Variants in DOCK3 observed in about 807,000 individuals in gnomAD.
DOCK3 encodes the protein dedicator of cytokinesis protein 3.
Under a neutral mutation model 265.6 loss-of-function variants are expected in DOCK3, and 60 were observed. That is an observed-to-expected ratio of 0.23 (90% confidence interval 0.18 to 0.28). The LOEUF (loss-of-function observed/expected upper bound fraction) is 0.28, where lower values mean the gene tolerates loss of function less well. Among genes scored for constraint, DOCK3 ranks in the 10% least tolerant of loss-of-function variants. DOCK3 has a pLI of 1.00. For missense variants in DOCK3, 1,981 were observed against 2,594.3 expected (o/e 0.76, Z 5.14); for synonymous variants, 881 against 938.0 (o/e 0.94, Z 1.11).
At chr3:50,901,331 G>A (rs903192695) in intron 4 of DOCK3, among the ~76,000 whole-genome samples, 11 of 152,228 alleles carry the variant, frequency 7.2e-5, no homozygotes, top group African/African-American at 2.6e-4. Context: ...CCCCCACCAA[G>A]CTCGAGTGTC....
intron 5 of DOCK3, among the ~76,000 whole-genome samples, chr3:51,056,328 A>G (rs1340268252): frequency 6.6e-6 from 1 of 152,180 alleles, no homozygotes; most frequent in Non-Finnish European, 1.5e-5. Context: ...GGCTCACTGC[A>G]AGCTCTGCCT....
intron 23 of DOCK3, among the ~76,000 whole-genome samples, chr3:51,266,359 C>A (rs531687437): frequency 1.1e-4 from 17 of 152,276 alleles, no homozygotes; most frequent in African/African-American, 4.1e-4. Context: ...AAAAAAGAGC[C>A]CGCATTGCCA....
At chr3:50,736,434 T>C (rs1420414015) in intron 1 of DOCK3, among the ~76,000 whole-genome samples, 2 of 152,172 alleles carry the variant, frequency 1.3e-5, no homozygotes, top group Non-Finnish European at 2.9e-5. Flanking sequence ...GATGGCTGGG[T>C]CAAATGGTGT....
chr3:51,228,272 C>G (rs1471423101), intron 17 of DOCK3, among the ~76,000 whole-genome samples, 184 bp downstream of exon 17: 1 of 152,224 alleles, frequency 6.6e-6, no homozygotes, highest in East Asian at 1.9e-4. Flanking sequence ...CGTCCTCCCA[C>G]AAGTAACGCC....
chr3:50,856,454 T>C (rs1317494067), intron 3 of DOCK3, among the ~76,000 whole-genome samples: 1 of 152,202 alleles, frequency 6.6e-6, no homozygotes, highest in Non-Finnish European at 1.5e-5. Context: ...GGCTTTTTTT[T>C]TTCATATGTT....
At chr3:51,051,879 G>T (rs2081006055) in intron 5 of DOCK3, among the ~76,000 whole-genome samples, 1 of 151,966 alleles carries the variant, frequency 6.6e-6, no homozygotes, top group Non-Finnish European at 1.5e-5. Context: ...GGTGGGAGAG[G>T]TGCCATACAC....
At chr3:50,997,570 A>G (rs2078328647) in intron 5 of DOCK3, among the ~76,000 whole-genome samples, 1 of 152,146 alleles carries the variant, frequency 6.6e-6, no homozygotes, top group Non-Finnish European at 1.5e-5. Flanking sequence ...ATAATAAATA[A>G]AACATTAGAA....
At chr3:51,352,861 T>C (rs143326227) in intron 40 of DOCK3, among the ~76,000 whole-genome samples, 8 of 152,308 alleles carry the variant, frequency 5.3e-5, no homozygotes, top group African/African-American at 1.7e-4. Flanking sequence ...ACAGTCAGCC[T>C]CAAGGTCAAC....
intron 27 of DOCK3, among the ~76,000 whole-genome samples, chr3:51,285,012 G>A (rs2081331854): frequency 6.6e-6 from 1 of 152,152 alleles, no homozygotes; most frequent in African/African-American, 2.4e-5. Flanking sequence ...CAATGAACTG[G>A]AGCATGCATC....
rs2109585302 is a variant in DOCK3 at position 51,312,490 on chromosome 3, C to T, written c.3108C>T (p.Tyr1036=). 1 of 1,612,856 alleles carries T rather than the reference C, an allele frequency of 6.2e-7. No individual in the cohort carries two copies. Among genetic ancestry groups the T allele is most frequent in the Non-Finnish European group, 8.5e-7 (1 of 1,179,700 alleles). ...TDFDFKVWNS[Y]FSLAVLFINQ... is the part of the protein sequence containing the mutation. The stretch of plus-strand genomic sequence containing the variant: ...TGTCTGTCTAGGTGTGGAATTCTTA[C>T]TTTAGCCTGGCAGTTCTATTCATAA... Residue 1036 remains tyrosine (Y), a synonymous_variant, in exon 30 of 53, where the codon TAC becomes TAT. Coordinates refer to ENST00000266037, the MANE Select transcript of DOCK3 (RefSeq NM_004947.5).
intron 4 of DOCK3, among the ~76,000 whole-genome samples, chr3:50,890,614 T>TA (rs1177278203): frequency 2.0e-5 from 3 of 152,128 alleles, no homozygotes; most frequent in Non-Finnish European, 4.4e-5. Context: ...AATGAGTTTT[T>TA]AAAAAATTCT....
chr3:51,160,441 C>A, intron 11 of DOCK3, 114 bp from the exon 12 acceptor site: 3 of 1,365,306 alleles, frequency 2.2e-6, no homozygotes, highest in Non-Finnish European at 2.9e-6. Flanking sequence ...GTAGTCTTCA[C>A]CTTAGAGGAT....
At chr3:50,899,001 T>G (rs1327694333) in intron 4 of DOCK3, among the ~76,000 whole-genome samples, 1 of 152,220 alleles carries the variant, frequency 6.6e-6, no homozygotes, top group Non-Finnish European at 1.5e-5. Context: ...GTCCTCTTGG[T>G]CCAGAGCTGA....
In DOCK3 at chr3:51,297,460, A is replaced by G. The variant is rs576512899; in HGVS notation, c.2923-12772A>G. Among the ~76,000 whole-genome samples the G allele has an allele frequency of 5.9e-5, 9 of 152,358 alleles. No homozygotes were observed. The South Asian group carries it at 1.5e-3, about 25-fold the overall frequency. On this transcript the variant is annotated intron_variant, in intron 27 of 52. Coordinates refer to ENST00000266037, the MANE Select transcript of DOCK3 (RefSeq NM_004947.5). The stretch of plus-strand genomic sequence containing the variant: ...TAGTAAACACCTTGTGGTCTAGAAT[A>G]TATTCAAAAAGACACCTACTACTCA...
chr3:51,052,606 C>T (rs2081036194), intron 5 of DOCK3, among the ~76,000 whole-genome samples: 4 of 152,280 alleles, frequency 2.6e-5, no homozygotes, highest in Middle Eastern at 3.4e-3. Flanking sequence ...CAGCTCTTTT[C>T]GTGTGAAAGG....
At chr3:50,960,185 A>G (rs2076849404) in intron 5 of DOCK3, among the ~76,000 whole-genome samples, 2 of 152,188 alleles carry the variant, frequency 1.3e-5, no homozygotes, top group South Asian at 2.1e-4. Context: ...GTGTGTAAAC[A>G]TATGTTTTCC....
chr3:50,897,279 A>G lies in DOCK3; in HGVS notation c.218+7198A>G, dbSNP rs1553694429. Among the ~76,000 whole-genome samples, 495 of 146,866 alleles carry G rather than the reference A, an allele frequency of 3.4e-3. 7 individuals carry two copies. The highest frequency in any genetic ancestry group is 0.011 in the African/African-American group (447 of 40,836). On this transcript the variant is annotated intron_variant, in intron 4 of 52. Coordinates refer to ENST00000266037, the MANE Select transcript of DOCK3 (RefSeq NM_004947.5). ...ATGGGAGTTCACTCATGATTTGGCT[A>G]TTTGTCTATTATTGGTGTATAAGAA...
In DOCK3 at chr3:51,381,342, C is replaced by T. The variant is rs782670918; in HGVS notation, c.5876C>T (p.Pro1959Leu). 2 of 1,613,410 alleles carry T rather than the reference C, an allele frequency of 1.2e-6. No homozygotes were observed. The highest frequency in any genetic ancestry group is 1.1e-5 in the South Asian group (1 of 91,086). The change falls in exon 53 of 53, where the codon CCA (proline) becomes CTA (leucine). Residue 1959 changes from proline to leucine, a missense_variant. Coordinates refer to ENST00000266037, the MANE Select transcript of DOCK3 (RefSeq NM_004947.5). This position sits in a 1 kb window ranked among gnomAD's most constrained non-coding sequence, Gnocchi z 5.6. ...CAGCCATGCCGAAGCCACTCAGCCC[C>T]AGGGTGCGTCATCCCTCAGGACCCC... ...KAQPCRSHSA[P>L]GCVIPQDPMD...
chr3:51,159,402 G>A lies in DOCK3; in HGVS notation c.889+98G>A, dbSNP rs191093148. 7.4e-6 allele frequency: 8 copies of A among 1,086,578 alleles called. No individual in the cohort carries two copies. In the East Asian group the frequency reaches 1.2e-4, roughly 16 times the overall value. The allele number at this position is 1,086,578 out of a possible 1,614,324, so 67.3% of individuals were successfully genotyped here. On this transcript the variant is annotated intron_variant, in intron 11 of 52. Coordinates refer to ENST00000266037, the MANE Select transcript of DOCK3 (RefSeq NM_004947.5). ...TTTGTTTTCTCCCTAGATCTTACCT[G>A]TAATTTCAGGTCTCAGGATTAGAGT...
Sources: gnomAD v4.1 joint callset for allele counts (sites outside exome capture counted in the v4.1 genomes callset) on GRCh38, gnomAD v4.1.1 for gene constraint, Gnocchi (gnomAD v3.1) non-coding constraint, MANE v1.5 for transcripts, NCBI Gene and HGNC (gene_info 2026-07-23, HGNC 2026-07-21) for gene names.